SERGEF: variants seen among roughly 807,000 people sequenced by gnomAD.
SERGEF encodes the protein secretion-regulating guanine nucleotide exchange factor.
Under a neutral mutation model 50.0 loss-of-function variants are expected in SERGEF, and 51 were observed. That is an observed-to-expected ratio of 1.02 (90% CI 0.81 to 1.29). SERGEF has a LOEUF of 1.29. Among genes scored for constraint, SERGEF ranks in the 50% most tolerant of loss-of-function variants. SERGEF has a pLI of 0.00. For missense variants in SERGEF, 521 were observed against 557.0 expected, an observed-to-expected ratio of 0.94 and a Z score of 0.65; for synonymous variants, 205 against 212.4, an observed-to-expected ratio of 0.97 and a Z score of 0.30.
chr11:17,894,552 G>C (rs773927043), intron 9 of SERGEF, among the ~76,000 whole-genome samples: 1 of 152,080 alleles, frequency 6.6e-6, no homozygotes, highest in African/African-American at 2.4e-5. Flanking sequence ...AAATTATATT[G>C]ATTATAACTT....
At chr11:17,983,634 C>T (rs1411039136) in intron 8 of SERGEF, among the ~76,000 whole-genome samples, 1 of 151,564 alleles carries the variant, frequency 6.6e-6, no homozygotes, top group Non-Finnish European at 1.5e-5. Flanking sequence ...TAGGCAAAAG[C>T]AAGCATGGCT....
At position 17,991,953 on chromosome 11, in the gene SERGEF, T is replaced by G. The variant is rs937294551; in HGVS notation, c.685+978A>C. Among the ~76,000 whole-genome samples the G allele has an allele frequency of 6.6e-6, 1 of 152,168 alleles. No individual in the cohort carries two copies. Among genetic ancestry groups the G allele is most frequent in the Non-Finnish European group, 1.5e-5 (1 of 68,012 alleles). On this transcript the variant is annotated intron_variant, in intron 7 of 10. Transcript: ENST00000265965. This position sits in a 1 kb window ranked among gnomAD's most constrained non-coding sequence, Gnocchi z 4.9. ...GTGAGAGGTCTTACCAAACAAAATA[T>G]TATAAATCTCTCAGATGTATAGTCT...
chr11:17,817,385 T>C (rs536711460), intron 10 of SERGEF, among the ~76,000 whole-genome samples: 1 of 151,806 alleles, frequency 6.6e-6, no homozygotes, highest in African/African-American at 2.4e-5. Context: ...TGGCTAATTT[T>C]TTTTGTATTT....
intron 10 of SERGEF, among the ~76,000 whole-genome samples, chr11:17,820,063 C>T (rs534044659): frequency 3.9e-5 from 6 of 152,118 alleles, no homozygotes; most frequent in African/African-American, 7.2e-5. Flanking sequence ...TGGCTGCTCT[C>T]GAGCTCCTGG....
intron 9 of SERGEF, among the ~76,000 whole-genome samples, chr11:17,886,282 T>C (rs577806393): frequency 1.3e-5 from 2 of 152,292 alleles, no homozygotes; most frequent in African/African-American, 4.8e-5. Flanking sequence ...GAAAGGAGAC[T>C]ATAAGCATTA....
chr11:17,892,987 CCAT>C (rs1328080795), intron 9 of SERGEF, among the ~76,000 whole-genome samples: 2 of 152,192 alleles, frequency 1.3e-5, no homozygotes, highest in Non-Finnish European at 2.9e-5. Context: ...TTGTCTTGAT[CCAT>C]CATGGTCACA....
chr11:17,886,097 G>A (rs1026564367), intron 9 of SERGEF, among the ~76,000 whole-genome samples: 1 of 152,020 alleles, frequency 6.6e-6, no homozygotes, highest in Non-Finnish European at 1.5e-5. Flanking sequence ...GTGACTTTGG[G>A]TAAATCTCTT....
chr11:17,974,293 A>T (rs1298590245), intron 8 of SERGEF, among the ~76,000 whole-genome samples: 2 of 152,190 alleles, frequency 1.3e-5, no homozygotes, highest in African/African-American at 4.8e-5. Context: ...AAAACTTGAC[A>T]CAGTTTAAGA....
chr11:17,807,599 C>T (rs893118702), intron 10 of SERGEF, among the ~76,000 whole-genome samples: 6 of 152,232 alleles, frequency 3.9e-5, no homozygotes, highest in African/African-American at 9.7e-5. Flanking sequence ...TGTTTGATGC[C>T]GCCAACCAGG....
At chr11:17,822,333 G>A (rs997811743) in intron 10 of SERGEF, among the ~76,000 whole-genome samples, 1 of 152,182 alleles carries the variant, frequency 6.6e-6, no homozygotes, top group African/African-American at 2.4e-5. Flanking sequence ...ACTAAATTTA[G>A]AACTGGCAGT....
chr11:17,993,076 T>C, intron 6 of SERGEF, 83 bp from the exon 7 acceptor site: 1 of 1,141,066 alleles, frequency 8.8e-7, no homozygotes, highest in Non-Finnish European at 1.3e-6. Flanking sequence ...CAGTACCACC[T>C]GGGCGTGGGA....
intron 10 of SERGEF, among the ~76,000 whole-genome samples, chr11:17,863,010 C>T (rs1281138486): frequency 6.6e-6 from 1 of 152,216 alleles, no homozygotes; most frequent in Non-Finnish European, 1.5e-5. Context: ...GCTTGATATG[C>T]TAATTAACCT....
chr11:17,883,141 G>C (rs1851367567), intron 9 of SERGEF, among the ~76,000 whole-genome samples: 1 of 152,140 alleles, frequency 6.6e-6, no homozygotes, highest in Non-Finnish European at 1.5e-5. Context: ...ATGCCAGAGG[G>C]ATAAGATCTC....
At position 17,893,994 on chromosome 11, in the gene SERGEF, G is replaced by C. The variant is rs1049568385; in HGVS notation, c.1012-15750C>G. On this transcript the variant is annotated intron_variant, in intron 9 of 10. Coordinates refer to ENST00000265965, the MANE Select transcript of SERGEF (RefSeq NM_012139.4). ...GCTTCCTTGTGCTCCTCTCCCCTCT[G>C]ACCTCTCCCCCACTCTGTCAAAATG... Among the ~76,000 whole-genome samples, 5 of 152,122 alleles carry C rather than the reference G, an allele frequency of 3.3e-5. 1 individual carries two copies. In the South Asian group the frequency reaches 8.3e-4, roughly 25 times the overall value.
chr11:17,817,942 G>A (rs1850009093), intron 10 of SERGEF, among the ~76,000 whole-genome samples: 1 of 152,162 alleles, frequency 6.6e-6, no homozygotes, highest in Admixed American at 6.5e-5. Flanking sequence ...AGAAATGGAT[G>A]CCCTCAGCCA....
chr11:17,873,465 CA>C (rs536986204), intron 10 of SERGEF, among the ~76,000 whole-genome samples: 2 of 151,714 alleles, frequency 1.3e-5, no homozygotes, highest in Non-Finnish European at 2.9e-5. Context: ...TATCCAGTGC[CA>C]AAAAAAGAGT....
At chr11:17,961,610 ACCATTATT>A (rs1309946815) in intron 8 of SERGEF, among the ~76,000 whole-genome samples, 1 of 152,206 alleles carries the variant, frequency 6.6e-6, no homozygotes, top group African/African-American at 2.4e-5. Flanking sequence ...ATATGGTGCC[ACCATTATT>A]ATATCCCCAA....
intron 10 of SERGEF, among the ~76,000 whole-genome samples, chr11:17,819,730 G>A (rs2133843064): frequency 6.6e-6 from 1 of 152,320 alleles, no homozygotes; most frequent in East Asian, 1.9e-4. Context: ...ATCCACCCCA[G>A]TCAGAGACCT....
chr11:17,885,083 C>T (rs2133904613), intron 9 of SERGEF, among the ~76,000 whole-genome samples: 1 of 152,308 alleles, frequency 6.6e-6, no homozygotes, highest in Non-Finnish European at 1.5e-5. Context: ...TCTTTTGATA[C>T]AGAGTGTCCC....
Sources: gnomAD v4.1 joint callset for allele counts (sites outside exome capture counted in the v4.1 genomes callset) on GRCh38, gnomAD v4.1.1 for gene constraint, Gnocchi (gnomAD v3.1) non-coding constraint, MANE v1.5 for transcripts, NCBI Gene and HGNC (gene_info 2026-07-23, HGNC 2026-07-21) for gene names.